RHBDD1: variants seen among roughly 807,000 people sequenced by gnomAD.
The protein encoded by RHBDD1 is rhomboid-related protein 4.
A neutral mutation model predicts 36.3 loss-of-function variants in RHBDD1; 38 were observed. That is an observed-to-expected ratio of 1.05 (90% CI 0.81 to 1.37). The LOEUF (loss-of-function observed/expected upper bound fraction) is 1.37. Ranked by LOEUF, RHBDD1 falls within the 40% of genes most tolerant of loss-of-function variation. The pLI, the probability that RHBDD1 is intolerant of heterozygous loss-of-function variation, is 0.00. For missense variants in RHBDD1, 393 were observed against 377.6 expected, an observed-to-expected ratio of 1.04 and a Z score of -0.34; for synonymous variants, 151 against 136.5, an observed-to-expected ratio of 1.11 and a Z score of -0.74.
intron 7 of RHBDD1, 23 bp from the exon 8 acceptor site, chr2:226,914,185 G>A: frequency 1.2e-6 from 2 of 1,612,112 alleles, no homozygotes; most frequent in Non-Finnish European, 1.7e-6. Flanking sequence ...CTGTGTTCTA[G>A]AACCTTTTCC....
At chr2:226,836,625 G>A (rs868231539) in intron 1 of RHBDD1, among the ~76,000 whole-genome samples, 21 of 152,290 alleles carry the variant, frequency 1.4e-4, no homozygotes, top group Middle Eastern at 3.4e-3. Flanking sequence ...ACGGATCACA[G>A]CCTTATTTGT....
At chr2:226,849,158 A>G (rs1194486570) in intron 3 of RHBDD1, among the ~76,000 whole-genome samples, 2 of 152,262 alleles carry the variant, frequency 1.3e-5, no homozygotes, top group African/African-American at 4.8e-5. Flanking sequence ...TCCATCTTAC[A>G]TGGTGGGAAA....
chr2:226,846,702 G>A (rs1038614714), intron 3 of RHBDD1, among the ~76,000 whole-genome samples: 3 of 148,836 alleles, frequency 2.0e-5, no homozygotes, highest in Non-Finnish European at 3.0e-5. Context: ...AGCTGAAATC[G>A]TGCCATTGCA....
At chr2:226,843,098 T>A (rs556133153) in intron 3 of RHBDD1, among the ~76,000 whole-genome samples, 1 of 152,312 alleles carries the variant, frequency 6.6e-6, no homozygotes, top group South Asian at 2.1e-4. Context: ...ATAGGAATGC[T>A]AGCAATTTTT....
At chr2:226,829,572 T>G in the RHBDD1 span, among the ~76,000 whole-genome samples, 1 of 152,218 alleles carries the variant, frequency 6.6e-6, no homozygotes, top group Non-Finnish European at 1.5e-5. Flanking sequence ...CTTTTATTAA[T>G]TTGATTCTAA....
intron 3 of RHBDD1, among the ~76,000 whole-genome samples, chr2:226,840,830 G>GGT (rs1159804101): frequency 6.6e-6 from 1 of 151,274 alleles, no homozygotes; most frequent in South Asian, 2.1e-4. Context: ...AATATATAGG[G>GGT]GTGTGTGTGT....
At chr2:226,843,000 C>T (rs113008956) in intron 3 of RHBDD1, among the ~76,000 whole-genome samples, 1,816 of 152,090 alleles carry the variant, frequency 0.012, 19 homozygotes, top group Admixed American at 0.021. Flanking sequence ...CCCTTGTTGG[C>T]GGTATTCCTA....
intron 5 of RHBDD1, among the ~76,000 whole-genome samples, chr2:226,904,936 C>T (rs62191054): frequency 0.078 from 11,912 of 152,128 alleles, 525 homozygotes; most frequent in East Asian, 0.19. Flanking sequence ...TCCTGTTGGT[C>T]TTGGTGAAAC....
intron 8 of RHBDD1, among the ~76,000 whole-genome samples, chr2:226,924,077 G>A (rs898825692): frequency 1.3e-5 from 2 of 152,060 alleles, no homozygotes; most frequent in Non-Finnish European, 2.9e-5. Flanking sequence ...AGCAGAAGGA[G>A]TCTCTCCCCA....
intron 8 of RHBDD1, among the ~76,000 whole-genome samples, chr2:226,957,846 C>T (rs1265328686): frequency 6.6e-6 from 1 of 151,916 alleles, no homozygotes; most frequent in Non-Finnish European, 1.5e-5. Context: ...CAATGAGATA[C>T]CACTTCACGT....
intron 5 of RHBDD1, among the ~76,000 whole-genome samples, chr2:226,891,187 C>G (rs951066092): frequency 3.3e-5 from 5 of 152,146 alleles, no homozygotes; most frequent in Admixed American, 2.0e-4. Flanking sequence ...GGTGTCAGTA[C>G]AGAAATCTCA....
At position 226,998,426 on chromosome 2, in the gene RHBDD1, A is replaced by G. The variant is rs1296116298; in HGVS notation, c.*2904A>G. 1 of 152,238 alleles carries G rather than the reference A, an allele frequency of 6.6e-6. No homozygotes were observed. The highest frequency in any genetic ancestry group is 1.5e-5 in the Non-Finnish European group (1 of 68,050). The allele number at this position is 152,238 out of a possible 1,614,324, so 9.4% of individuals were successfully genotyped here. A position where few individuals can be genotyped will look rare whatever the true frequency, so the allele number is the denominator to read the frequency against. On this transcript the variant is annotated 3_prime_UTR_variant, in exon 9 of 9. Coordinates refer to ENST00000392062, the MANE Select transcript of RHBDD1 (RefSeq NM_001167608.3). ...CTGCAAGGCAGGGCGAGAATGGGGTAGCTGGCAGACCTGGCCTCCTTGTTC... is the reference window on the plus strand; with the variant it reads ...CTGCAAGGCAGGGCGAGAATGGGGTGGCTGGCAGACCTGGCCTCCTTGTTC...
chr2:226,828,985 A>G, the RHBDD1 span, among the ~76,000 whole-genome samples: 1 of 151,934 alleles, frequency 6.6e-6, no homozygotes, highest in African/African-American at 2.4e-5. Flanking sequence ...GATGACAAAG[A>G]TTTTCTTTTG....
rs185989807 is a variant in RHBDD1, at chr2:226,922,424, G to A, written c.856+8073G>A. ...GGGTTTCACTGTGTTAGCCAGGATG[G>A]TCTCGATCTCCTGACCTTGTGATCC... On this transcript the variant is annotated intron_variant, in intron 8 of 8. Coordinates refer to ENST00000392062, the MANE Select transcript of RHBDD1 (RefSeq NM_001167608.3). Among the ~76,000 whole-genome samples the A allele has an allele frequency of 5.2e-3, 789 of 151,918 alleles. 2 individuals are homozygous for A. Among genetic ancestry groups the A allele is most frequent in the Non-Finnish European group, 9.2e-3 (625 of 67,920 alleles).
chr2:226,953,344 T>C (rs1313347258), intron 8 of RHBDD1, among the ~76,000 whole-genome samples: 3 of 152,122 alleles, frequency 2.0e-5, no homozygotes, highest in Admixed American at 2.0e-4. Context: ...TTTTTGAAAT[T>C]GTGGAAAAAT....
At chr2:226,858,081 A>G (rs1255201883) in intron 3 of RHBDD1, among the ~76,000 whole-genome samples, 1 of 152,208 alleles carries the variant, frequency 6.6e-6, no homozygotes, top group East Asian at 1.9e-4. Context: ...AACCTCCAGC[A>G]TAAATAGGTT....
chr2:226,864,544 A>G, intron 3 of RHBDD1, 60 bp from the exon 4 acceptor site: 1 of 652,542 alleles, frequency 1.5e-6, no homozygotes, highest in Non-Finnish European at 2.7e-6. Flanking sequence ...TGAAGCGAGT[A>G]TGTCTTATAT....
chr2:226,909,440 G>A (rs879766105), intron 7 of RHBDD1, among the ~76,000 whole-genome samples: 5 of 152,142 alleles, frequency 3.3e-5, no homozygotes, highest in South Asian at 4.1e-4. Flanking sequence ...GTGGCTACAC[G>A]GTAGTATTTT....
chr2:226,819,806 C>CT, the RHBDD1 span, among the ~76,000 whole-genome samples: 3 of 152,088 alleles, frequency 2.0e-5, no homozygotes, highest in Non-Finnish European at 4.4e-5. Flanking sequence ...AACATGCTAT[C>CT]TTTTTTCCTA....
Sources: allele counts gnomAD v4.1 joint callset (sites outside exome capture counted in the v4.1 genomes callset), GRCh38; gene constraint gnomAD v4.1.1; transcripts MANE v1.5; gene names NCBI Gene and HGNC (gene_info 2026-07-23, HGNC 2026-07-21).